The following SLC66A1 variants were observed in gnomAD, a reference collection of about 807,000 sequenced individuals.
The protein encoded by SLC66A1 is lysosomal amino acid transporter 1 homolog.
In SLC66A1, 23 loss-of-function variants were observed where a neutral mutation model predicts 33.0. The ratio of observed to expected loss-of-function variants is 0.70; its 90% CI spans 0.50 to 0.99. The LOEUF (loss-of-function observed/expected upper bound fraction) is 0.99. Among genes scored for constraint, SLC66A1 ranks in the 50% least tolerant of loss-of-function variants. SLC66A1 has a pLI of 0.00. For missense variants in SLC66A1, 335 were observed against 383.6 expected, an observed-to-expected ratio of 0.87 and a Z score of 1.06; for synonymous variants, 164 against 175.5, an observed-to-expected ratio of 0.93 and a Z score of 0.52.
At chr1:19,316,857 TTTTCTTTC>T (rs142380832) in intron 1 of SLC66A1, among the ~76,000 whole-genome samples, 5 of 140,456 alleles carry the variant, frequency 3.6e-5, no homozygotes, top group African/African-American at 1.3e-4. Context: ...TTTCTTTTCT[TTTTCTTTC>T]TTTCTTTCTT....
chr1:19,322,166 G>A (rs1172117388), intron 2 of SLC66A1, among the ~76,000 whole-genome samples: 1 of 151,934 alleles, frequency 6.6e-6, no homozygotes, highest in African/African-American at 2.4e-5. Context: ...AGTGGTGGGG[G>A]GATTGGAGAG....
intron 1 of SLC66A1, chr1:19,313,211 G>A: frequency 1.0e-6 from 1 of 985,346 alleles, no homozygotes; most frequent in Non-Finnish European, 1.2e-6. Context: ...GGTAGGCATC[G>A]GGCAGGTCTG....
Position 19,325,640 on chromosome 1 carries a change from G to T in SLC66A1, c.382+58G>T, listed in dbSNP as rs534507957. The T allele has an allele frequency of 3.5e-4, 407 of 1,166,856 alleles. 12 individuals are homozygous for T. In the African/African-American group the frequency reaches 5.3e-3, roughly 15 times the overall value. The allele number at this position is 1,166,856 out of a possible 1,614,324, so 72.3% of individuals were successfully genotyped here. A position where few individuals can be genotyped will look rare whatever the true frequency, so the allele number is the denominator to read the frequency against. On this transcript the variant is annotated intron_variant, in intron 4 of 7. Transcript: ENST00000375153. The stretch of plus-strand genomic sequence containing the variant: ...CTACCAGCAGCAGGGGGCAGTTGTG[G>T]GGGGGGGCGCCTGGAGTGTGGGAGG...
rs1553261870 is a variant in SLC66A1 at position 19,319,615 on chromosome 1, T to TG, written c.164+1774_164+1775insG. On this transcript the variant is annotated intron_variant, in intron 2 of 7. Transcript: ENST00000375153. Reference sequence around the variant, plus strand: ...GCTGTGCACATTCATGTTTTTTTTTTTTTTTTGCCTGGTGCAGTGGCTCAC... The same window carrying TG: ...GCTGTGCACATTCATGTTTTTTTTTTGTTTTTTGCCTGGTGCAGTGGCTCAC... 1.8e-3 allele frequency among the ~76,000 whole-genome samples: 264 copies of TG among 148,496 alleles called. 4 individuals are homozygous for TG. The highest frequency in any genetic ancestry group is 6.5e-3 in the African/African-American group (255 of 38,984).
intron 3 of SLC66A1, 81 bp from the exon 4 acceptor site, chr1:19,325,414 G>GCC: frequency 1.0e-6 from 1 of 962,966 alleles, no homozygotes; most frequent in South Asian, 1.4e-5. Context: ...TCACCCAGCT[G>GCC]GGATATGACA....
At chr1:19,326,420 A>T (rs1450048457) in intron 5 of SLC66A1, 33 bp downstream of exon 5, 2 of 1,605,750 alleles carry the variant, frequency 1.2e-6, no homozygotes, top group East Asian at 2.2e-5. Flanking sequence ...GAAGGGATGG[A>T]GGCTGGCTCA....
chr1:19,329,433 C>A (rs112831185), downstream of SLC66A1: 3,578 of 152,620 alleles, frequency 0.023, 140 homozygotes, highest in African/African-American at 0.081. Flanking sequence ...CCTGGCCCAG[C>A]CTCCTGGGGC....
At chr1:19,326,944 T>G (rs2093871222) in intron 6 of SLC66A1, among the ~76,000 whole-genome samples, 1 of 151,996 alleles carries the variant, frequency 6.6e-6, no homozygotes, top group Non-Finnish European at 1.5e-5. Flanking sequence ...AGGGGAGGCT[T>G]GCTGGGCAGC....
In SLC66A1 at chr1:19,324,208, C is replaced by A. The variant is rs765671214; in HGVS notation, c.165-425C>A. 4.3e-4 allele frequency among the ~76,000 whole-genome samples: 66 copies of A among 152,386 alleles called. 1 individual carries two copies. The highest frequency in any genetic ancestry group is 1.6e-3 in the African/African-American group (65 of 41,596). On this transcript the variant is annotated intron_variant, in intron 2 of 7. Transcript: ENST00000375153. ...GGCGTGCCCAGGCCTTCGGCCCGCA[C>A]GTCCCTTTCCCAGCACTGTTCTTGT...
chr1:19,313,755 C>A (rs1044828493), intron 1 of SLC66A1, among the ~76,000 whole-genome samples: 1 of 152,192 alleles, frequency 6.6e-6, no homozygotes, highest in African/African-American at 2.4e-5. Flanking sequence ...TAACTTGAGG[C>A]CTAGCCTCAG....
At chr1:19,320,475 G>A (rs1229048812) in intron 2 of SLC66A1, among the ~76,000 whole-genome samples, 1 of 145,568 alleles carries the variant, frequency 6.9e-6, no homozygotes, top group Non-Finnish European at 1.5e-5. Context: ...GAGCGGTGGT[G>A]CGATCTCGGC....
intron 1 of SLC66A1, chr1:19,313,124 C>A: frequency 3.5e-6 from 3 of 868,216 alleles, no homozygotes; most frequent in African/African-American, 1.8e-5. Context: ...CTGCAGTCAG[C>A]CTAGGTGGTG....
intron 2 of SLC66A1, among the ~76,000 whole-genome samples, chr1:19,322,785 A>G (rs1454948447): frequency 2.6e-5 from 4 of 152,182 alleles, no homozygotes; most frequent in African/African-American, 9.7e-5. Flanking sequence ...CCTTGCAAGG[A>G]TCCCCTCACA....
downstream of SLC66A1, among the ~76,000 whole-genome samples, chr1:19,333,981 G>GAGTGGGTTACCTTCCAC (rs1553264968): frequency 1.3e-5 from 2 of 152,148 alleles, no homozygotes. This position sits in a 1 kb window ranked among gnomAD's most constrained non-coding sequence, Gnocchi z 4.2. Context: ...CTAGGGCAGG[G>GAGTGGGTTACCTTCCAC]AGTGGGTTAC....
rs761190778 is a variant in SLC66A1, at chr1:19,317,703, G to A, written c.26G>A (p.Arg9His). Residue 9 changes from arginine (R) to histidine (H), a missense_variant, in exon 2 of 8, where the codon CGC (arginine) becomes CAC (histidine). Arg to His is a conservative substitution (Grantham distance 29). Transcript: ENST00000375153. MVWKKLGSRNFSSCPSGSI... is the reference protein window; with the variant it reads MVWKKLGSHNFSSCPSGSI... Reference sequence around the variant, plus strand: ...ATGGTCTGGAAGAAACTGGGCTCCCGCAACTTCTCCAGCTGCCCCAGTGGC... The same window carrying A: ...ATGGTCTGGAAGAAACTGGGCTCCCACAACTTCTCCAGCTGCCCCAGTGGC... The A allele has an allele frequency of 1.8e-5, 29 of 1,614,108 alleles. No homozygotes were observed. Among genetic ancestry groups the A allele is most frequent in the Non-Finnish European group, 2.2e-5 (26 of 1,179,950 alleles).
intron 2 of SLC66A1, among the ~76,000 whole-genome samples, chr1:19,318,695 C>T (rs951690727): frequency 6.6e-6 from 1 of 151,960 alleles, no homozygotes; most frequent in African/African-American, 2.4e-5. Context: ...CGCCTGTAAT[C>T]CCAGCACTTT....
intron 2 of SLC66A1, among the ~76,000 whole-genome samples, chr1:19,324,145 G>A (rs931342096): frequency 5.9e-5 from 9 of 152,248 alleles, no homozygotes; most frequent in Admixed American, 5.9e-4. Context: ...CTGGGCTGGG[G>A]TTCTGCCTGT....
At chr1:19,330,558 C>G (rs534800812), downstream of SLC66A1, among the ~76,000 whole-genome samples, 2 of 152,216 alleles carry the variant, frequency 1.3e-5, no homozygotes, top group East Asian at 3.9e-4. Context: ...CCAGGAGGGT[C>G]AATCAGGGAG....
At chr1:19,324,528 C>T in intron 2 of SLC66A1, 105 bp from the exon 3 acceptor site, 1 of 1,420,134 alleles carries the variant, frequency 7.0e-7, no homozygotes, top group South Asian at 1.3e-5. Flanking sequence ...CTCTCCATCG[C>T]CGCCTCGATC....
Sources: gnomAD v4.1 joint callset for allele counts (sites outside exome capture counted in the v4.1 genomes callset) on GRCh38, gnomAD v4.1.1 for gene constraint, Gnocchi (gnomAD v3.1) non-coding constraint, MANE v1.5 for transcripts, NCBI Gene and HGNC (gene_info 2026-07-23, HGNC 2026-07-21) for gene names.